The following PDCD6 variants were observed in gnomAD, a reference collection of about 807,000 sequenced individuals.
The protein encoded by PDCD6 is programmed cell death protein 6.
A neutral mutation model predicts 28.3 loss-of-function variants in PDCD6; 12 were observed. The observed-to-expected ratio is 0.42, with a 90% confidence interval of 0.27 to 0.69. PDCD6 has a LOEUF of 0.69. Ranked by LOEUF, PDCD6 falls within the 30% of genes least tolerant of loss-of-function variation. The pLI is 0.22. For synonymous variants in PDCD6, 92 were observed against 108.0 expected, an observed-to-expected ratio of 0.85 and a Z score of 0.92; for missense variants, 226 against 269.9, an observed-to-expected ratio of 0.84 and a Z score of 1.14.
At chr5:294,139 G>A (rs1357020721) in intron 2 of PDCD6, among the ~76,000 whole-genome samples, 3 of 151,434 alleles carry the variant, frequency 2.0e-5, no homozygotes, top group Non-Finnish European at 2.9e-5. Context: ...GCCTGGGGTT[G>A]GGCGAAAAGT....
At chr5:296,770 A>G (rs534285881) in intron 2 of PDCD6, among the ~76,000 whole-genome samples, 15 of 152,250 alleles carry the variant, frequency 9.9e-5, no homozygotes, top group Admixed American at 3.3e-4. Flanking sequence ...GGCATTGCAC[A>G]TGGGTGGGGG....
At chr5:309,999 C>CCAGTGATGGCCGCCGTGCCCGTGCACA (rs1740798973) in intron 4 of PDCD6, 2 of 180,200 alleles carry the variant, frequency 1.1e-5, no homozygotes, top group African/African-American at 1.4e-4. Context: ...GCCCGTGCAC[C>CCAGTGATGGCCGCCGTGCCCGTGCACA]CCAGTGATGG....
At chr5:291,738 A>G (rs1165912023) in intron 2 of PDCD6, among the ~76,000 whole-genome samples, 1 of 151,658 alleles carries the variant, frequency 6.6e-6, no homozygotes, top group African/African-American at 2.4e-5. Context: ...GACATGGTTC[A>G]TTTTCATTGC....
At chr5:306,537 G>A in intron 3 of PDCD6, 65 bp from the exon 4 acceptor site, 2 of 1,575,982 alleles carry the variant, frequency 1.3e-6, no homozygotes, top group African/African-American at 1.3e-5. Flanking sequence ...GAGGTCTGGT[G>A]GGAAGCCTCA....
intron 2 of PDCD6, chr5:272,983 G>C: frequency 1.2e-6 from 1 of 835,628 alleles, no homozygotes; most frequent in South Asian, 1.7e-5. Flanking sequence ...GCTAACAACT[G>C]CGTGCGTGAG....
chr5:298,726 A>ACCCAGCTGCTCCCACCCAGCTGCTCCCC (rs1554007260), intron 2 of PDCD6, among the ~76,000 whole-genome samples: 3 of 8,686 alleles, frequency 3.5e-4, no homozygotes, highest in Admixed American at 1.5e-3. Flanking sequence ...AGCTGCTCCC[A>ACCCAGCTGCTCCCACCCAGCTGCTCCCC]CCCAGCTGCT....
rs1195205470 is a variant in PDCD6, at chr5:306,195, ATTCGCG to A, written c.209-403_209-398del. The A allele has an allele frequency of 5.5e-5, 12 of 217,822 alleles. No individual in the cohort carries two copies. In the East Asian group the frequency reaches 1.1e-3, roughly 20 times the overall value. The allele number at this position is 217,822 out of a possible 1,614,324, so 13.5% of individuals were successfully genotyped here. On this transcript the variant is annotated intron_variant, in intron 3 of 5. Coordinates refer to ENST00000264933, the MANE Select transcript of PDCD6 (RefSeq NM_013232.4). The stretch of plus-strand genomic sequence containing the variant: ...TCAGAGGGTCAGCTCTGGGAATTAG[ATTCGCG>A]TTCTAGGCCGAGACCCAGGAGCCAG...
chr5:302,436 G>A (rs1405985981), intron 2 of PDCD6, among the ~76,000 whole-genome samples: 1 of 107,154 alleles, frequency 9.3e-6, no homozygotes, highest in African/African-American at 5.6e-5. Context: ...GCCTTTGTGG[G>A]GAGAGCACAG....
At chr5:299,787 G>A (rs1218068159) in intron 2 of PDCD6, among the ~76,000 whole-genome samples, 3 of 152,116 alleles carry the variant, frequency 2.0e-5, no homozygotes, top group Non-Finnish European at 4.4e-5. Context: ...CTCACCTGGT[G>A]ATCCGCCCGC....
intron 4 of PDCD6, 29 bp downstream of exon 4, chr5:306,789 G>A (rs545166429): frequency 3.9e-5 from 63 of 1,599,740 alleles, no homozygotes; most frequent in Non-Finnish European, 4.7e-5. Context: ...CTTGTGTAGC[G>A]TGTTTCATTT....
intron 2 of PDCD6, among the ~76,000 whole-genome samples, chr5:274,267 GC>G (rs1280006641): frequency 1.3e-5 from 2 of 152,248 alleles, no homozygotes; most frequent in African/African-American, 4.8e-5. Flanking sequence ...CATTTTAACA[GC>G]CTGCTTTTTA....
At chr5:299,958 A>G (rs1902803) in intron 2 of PDCD6, among the ~76,000 whole-genome samples, 57,606 of 151,832 alleles carry the variant, frequency 0.38, 12,649 homozygotes, top group Non-Finnish European at 0.5. Context: ...AGTGCCCTGT[A>G]AAGTACATGT....
At chr5:275,638 G>A (rs562830207) in intron 2 of PDCD6, among the ~76,000 whole-genome samples, 8 of 152,148 alleles carry the variant, frequency 5.3e-5, no homozygotes, top group East Asian at 1.9e-4. Flanking sequence ...TTGCTGTACC[G>A]TGAGTGTCTC....
chr5:273,328 G>C (rs1186386487), intron 2 of PDCD6: 1 of 153,476 alleles, frequency 6.5e-6, no homozygotes, highest in Non-Finnish European at 1.5e-5. Context: ...TGCGAATACT[G>C]GGCGTTCAGG....
chr5:289,390 T>C lies in PDCD6; in HGVS notation c.164-14787T>C, dbSNP rs1194182460. On this transcript the variant is annotated intron_variant, in intron 2 of 5. Coordinates refer to ENST00000264933, the MANE Select transcript of PDCD6 (RefSeq NM_013232.4). ...TGAGGATCTTCTTACTCCTCCCTTT[T>C]ACAGATGGTCTCTCAATACCTTCTT... The C allele has an allele frequency of 4.8e-6, 3 of 628,134 alleles. No homozygotes were observed. In the Admixed American group the frequency reaches 8.7e-5, roughly 18 times the overall value. 38.9% of individuals were successfully genotyped at this position (628,134 alleles called of 1,614,324 possible). A position where few individuals can be genotyped will look rare whatever the true frequency, so the allele number is the denominator to read the frequency against.
rs1156434171 is a variant in PDCD6 at position 311,324 on chromosome 5, C to A, written c.399C>A (p.Ile133=). Residue 133 remains isoleucine (I), a synonymous_variant, in exon 5 of 6, where the codon ATC becomes ATA. Coordinates refer to ENST00000264933, the MANE Select transcript of PDCD6 (RefSeq NM_013232.4). ...GYRLSDQFHD[I]LIRKFDRQGR... ...GGCTCTCTGACCAGTTCCACGACAT[C>A]CTCATTCGAAAGTTTGACAGGCAGG... The A allele has an allele frequency of 1.2e-6, 2 of 1,614,028 alleles. No individual in the cohort carries two copies. The highest frequency in any genetic ancestry group is 8.5e-7 in the Non-Finnish European group (1 of 1,180,010).
chr5:279,056 A>C (rs535951176), intron 2 of PDCD6, among the ~76,000 whole-genome samples: 5 of 152,296 alleles, frequency 3.3e-5, no homozygotes, highest in Admixed American at 3.3e-4. Context: ...CATGGGGAAC[A>C]GCATTGGCCT....
chr5:273,486 C>T (rs1477015900), intron 2 of PDCD6: 2 of 152,602 alleles, frequency 1.3e-5, no homozygotes, highest in Admixed American at 1.3e-4. Context: ...TGTAATCCCT[C>T]AGGGGCAGTC....
At chr5:273,478 T>A (rs1030937809) in intron 2 of PDCD6, 1 of 152,676 alleles carries the variant, frequency 6.5e-6, no homozygotes, top group African/African-American at 2.4e-5. Context: ...ACTTTTTCTG[T>A]AATCCCTCAG....
Sources: gnomAD v4.1 joint callset for allele counts (sites outside exome capture counted in the v4.1 genomes callset) on GRCh38, gnomAD v4.1.1 for gene constraint, MANE v1.5 for transcripts, NCBI Gene and HGNC (gene_info 2026-07-23, HGNC 2026-07-21) for gene names.